The following SPON2 variants were observed in gnomAD, a reference collection of about 807,000 sequenced individuals.
SPON2 encodes the protein spondin-2.
A neutral mutation model predicts 29.9 loss-of-function variants in SPON2; 32 were observed. The ratio of observed to expected loss-of-function variants is 1.07; its 90% CI spans 0.81 to 1.44. SPON2 has a LOEUF of 1.44. Among genes scored for constraint, SPON2 ranks in the 40% most tolerant of loss-of-function variants. The pLI, the probability that SPON2 is intolerant of heterozygous loss-of-function variation, is 0.00. For synonymous variants in SPON2, 248 were observed against 209.1 expected, an observed-to-expected ratio of 1.19 and a Z score of -1.61; for missense variants, 541 against 455.5, an observed-to-expected ratio of 1.19 and a Z score of -1.71.
upstream of SPON2, among the ~76,000 whole-genome samples, chr4:1,198,121 C>A (rs1165980314): frequency 6.6e-6 from 1 of 151,708 alleles, no homozygotes; most frequent in Non-Finnish European, 1.5e-5. Context: ...ATAAAAAAAC[C>A]CACACATGAT....
At chr4:1,167,843 C>T in intron 5 of SPON2, 187 bp from the exon 6 acceptor site, 1 of 559,236 alleles carries the variant, frequency 1.8e-6, no homozygotes, top group Non-Finnish European at 3.0e-6. Flanking sequence ...CAACCTCGGA[C>T]ACAACCTAGG....
At chr4:1,201,386 A>G (rs1039204173) in intron 1 of SPON2, 22 of 321,018 alleles carry the variant, frequency 6.9e-5, no homozygotes, top group Non-Finnish European at 1.1e-4. Context: ...GTGGTCAGCA[A>G]TGCAGGCAGG....
At chr4:1,183,910 A>C (rs182844448) in intron 1 of SPON2, among the ~76,000 whole-genome samples, 8 of 152,364 alleles carry the variant, frequency 5.3e-5, no homozygotes, top group Non-Finnish European at 1.2e-4. Flanking sequence ...ACAAAAAACT[A>C]TAACGCAAAT....
intron 1 of SPON2, chr4:1,194,865 C>G (rs1203793628): frequency 7.9e-6 from 1 of 126,436 alleles, no homozygotes; most frequent in African/African-American, 3.2e-5. Flanking sequence ...GAGGCCTCAC[C>G]CCACAGCCGG....
chr4:1,193,645 AGGGGGCATGGGAAGGATGTGGG>A (rs1223395812), intron 1 of SPON2, among the ~76,000 whole-genome samples: 2 of 12,340 alleles, frequency 1.6e-4, no homozygotes, highest in Non-Finnish European at 1.8e-4. Flanking sequence ...AAGGATGTGG[AGGGGGCATGGGAAGGATGTGGG>A]GGGTGTGGGA....
At chr4:1,170,611 C>A in intron 4 of SPON2, 35 bp from the exon 5 acceptor site, 1 of 1,583,148 alleles carries the variant, frequency 6.3e-7, no homozygotes. Context: ...GCCTGGGGTC[C>A]GAGAAGCCCA....
chr4:1,194,778 G>A (rs1457619374), intron 1 of SPON2, among the ~76,000 whole-genome samples: 1 of 152,062 alleles, frequency 6.6e-6, no homozygotes, highest in East Asian at 1.9e-4. Context: ...AGAGGCAGTG[G>A]AAGGAAAAAC....
upstream of SPON2, among the ~76,000 whole-genome samples, chr4:1,175,462 C>T (rs865877088): frequency 4.6e-5 from 7 of 151,764 alleles, no homozygotes; most frequent in South Asian, 4.1e-4. Flanking sequence ...CCCCACTTGG[C>T]GGTGGGCCCA....
rs1486853954 is a variant in SPON2, at chr4:1,167,546, G to A, written c.922C>T (p.Gln308Ter). 6.2e-7 allele frequency: 1 copy of A among 1,613,654 alleles called. No individual in the cohort carries two copies. The highest frequency in any genetic ancestry group is 1.1e-5 in the South Asian group (1 of 91,084). The change falls in exon 6 of 6, where the codon CAG becomes TAG. Residue 308 changes from glutamine (Q) to a stop codon, truncating the protein, a stop_gained. Transcript: ENST00000290902. LOFTEE classifies it high-confidence loss of function. ...CAGGGGCTCCCGTTGTTGGCGGGCT[G>A]GACCCGGACGTAGCGAGTCCTGCTC... is the stretch of plus-strand genomic sequence containing the variant. ...TKSRTRYVRVQPANNGSPCPE... is the reference protein window; with the variant it reads ...TKSRTRYVRV
intron 1 of SPON2, among the ~76,000 whole-genome samples, chr4:1,200,314 C>T (rs1347563879): frequency 6.6e-6 from 1 of 152,174 alleles, no homozygotes; most frequent in African/African-American, 2.4e-5. Context: ...AGGCGTCCAG[C>T]CTGCAGAACG....
chr4:1,174,499 A>C (rs1486783859), upstream of SPON2, among the ~76,000 whole-genome samples: 6 of 149,966 alleles, frequency 4.0e-5, no homozygotes, highest in East Asian at 5.8e-4. Context: ...AAAAAAAAAA[A>C]AAACAAAAAA....
intron 1 of SPON2, among the ~76,000 whole-genome samples, chr4:1,181,882 C>T (rs1245796071): frequency 6.6e-6 from 1 of 152,204 alleles, no homozygotes; most frequent in Non-Finnish European, 1.5e-5. Flanking sequence ...GCAAGCTCTC[C>T]TGCACTGGAT....
intron 1 of SPON2, among the ~76,000 whole-genome samples, chr4:1,201,724 AG>A (rs1728212604): frequency 6.6e-6 from 1 of 151,996 alleles, no homozygotes; most frequent in Non-Finnish European, 1.5e-5. Context: ...CTGGGATTAC[AG>A]GCGCCGGTTG....
At chr4:1,179,063 G>GAC (rs1727659181) in intron 2 of SPON2, among the ~76,000 whole-genome samples, 2 of 152,302 alleles carry the variant, frequency 1.3e-5, no homozygotes, top group Non-Finnish European at 2.9e-5. Context: ...AGTCCAGGAG[G>GAC]ACACCCAGAA....
At chr4:1,196,040 C>T (rs1288486462), upstream of SPON2, among the ~76,000 whole-genome samples, 1 of 152,146 alleles carries the variant, frequency 6.6e-6, no homozygotes, top group African/African-American at 2.4e-5. Flanking sequence ...GGCACCCTCC[C>T]CTCAAGGAGG....
At chr4:1,191,082 CTTTTTTT>C (rs771514559) in intron 1 of SPON2, among the ~76,000 whole-genome samples, 1 of 140,196 alleles carries the variant, frequency 7.1e-6, no homozygotes, top group Non-Finnish European at 1.6e-5. Flanking sequence ...CTTTTTTTTT[CTTTTTTT>C]TTTTTTGCAG....
At chr4:1,168,541 G>C (rs945670135) in intron 5 of SPON2, among the ~76,000 whole-genome samples, 3 of 152,252 alleles carry the variant, frequency 2.0e-5, no homozygotes, top group African/African-American at 7.2e-5. Flanking sequence ...CAGGAACAGG[G>C]CTTGCAAAGA....
chr4:1,182,983 A>T (rs934525064), intron 1 of SPON2, among the ~76,000 whole-genome samples: 1 of 152,158 alleles, frequency 6.6e-6, no homozygotes, highest in African/African-American at 2.4e-5. Context: ...TTCAAAAGTG[A>T]GAGAGGGCTG....
At chr4:1,186,055 T>G (rs577424468) in intron 1 of SPON2, among the ~76,000 whole-genome samples, 7 of 148,492 alleles carry the variant, frequency 4.7e-5, no homozygotes, top group Non-Finnish European at 9.0e-5. Flanking sequence ...CCATCCTGGC[T>G]AACACGGTGA....
Sources: allele counts gnomAD v4.1 joint callset (sites outside exome capture counted in the v4.1 genomes callset), GRCh38; gene constraint gnomAD v4.1.1; transcripts MANE v1.5; gene names NCBI Gene and HGNC (gene_info 2026-07-23, HGNC 2026-07-21).